Variants in KCND3 observed in about 807,000 individuals in gnomAD.
KCND3 encodes the protein potassium voltage-gated channel subfamily D member 3.
Under a neutral mutation model 51.1 loss-of-function variants are expected in KCND3, and 9 were observed. That is an observed-to-expected ratio of 0.18 (90% CI 0.11 to 0.31). The LOEUF (loss-of-function observed/expected upper bound fraction) is 0.31, where lower values mean the gene tolerates loss of function less well. Among genes scored for constraint, KCND3 ranks in the 10% least tolerant of loss-of-function variants. KCND3 has a pLI of 1.00. For synonymous variants in KCND3, 349 were observed against 368.0 expected (o/e 0.95, Z 0.59); for missense variants, 526 against 903.8 (o/e 0.58, Z 5.36).
At chr1:111,788,876 T>G (rs1664717437) in intron 2 of KCND3, among the ~76,000 whole-genome samples, 1 of 152,206 alleles carries the variant, frequency 6.6e-6, no homozygotes, top group African/African-American at 2.4e-5. Flanking sequence ...ATAATCCTAT[T>G]GTGACATATA....
intron 2 of KCND3, among the ~76,000 whole-genome samples, chr1:111,807,507 C>T (rs1209658779): frequency 6.6e-6 from 1 of 152,180 alleles, no homozygotes; most frequent in Non-Finnish European, 1.5e-5. Flanking sequence ...GAAACCCCAT[C>T]TCTACAAAAA....
In KCND3 at chr1:111,780,253, T is replaced by C; in HGVS notation, c.1433A>G (p.His478Arg). 6.3e-7 allele frequency: 1 copy of C among 1,590,854 alleles called. No individual in the cohort carries two copies. The highest frequency in any genetic ancestry group is 8.6e-7 in the Non-Finnish European group (1 of 1,167,924). Residue 478 changes from histidine (H) to arginine (R), a missense_variant, in exon 5 of 8, where the codon CAC (histidine) becomes CGC (arginine). Physicochemically the swap from His to Arg is conservative, Grantham distance 29 (BLOSUM62 0). Around this residue, in one of 5 missense-constraint regions of KCND3, gnomAD observed 266 missense variants for 305.5 expected, o/e 0.87. Coordinates refer to ENST00000302127, the MANE Select transcript of KCND3 (RefSeq NM_001378969.1). This position sits in a 1 kb window ranked among gnomAD's most constrained non-coding sequence, Gnocchi z 4.2. ...GGTTTTTTCCAGGCAGTGCAGCAGG[T>C]GATGATGCTGGCTCTCGATGAGTGA... ...TTSLIESQHH[H>R]LLHCLEKTTG... is the part of the protein sequence containing the mutation.
chr1:111,846,293 G>T (rs1366565417), intron 2 of KCND3, among the ~76,000 whole-genome samples: 7 of 152,098 alleles, frequency 4.6e-5, no homozygotes. Context: ...TTTCACTTCT[G>T]GGCCACTGAA....
intron 2 of KCND3, among the ~76,000 whole-genome samples, chr1:111,819,809 A>G (rs1666267939): frequency 6.6e-6 from 1 of 152,164 alleles, no homozygotes; most frequent in African/African-American, 2.4e-5. Flanking sequence ...AGGCGACTGT[A>G]ATCACGGAGG....
chr1:111,927,096 C>T (rs75616758), intron 2 of KCND3, among the ~76,000 whole-genome samples: 31 of 152,346 alleles, frequency 2.0e-4, no homozygotes, highest in Non-Finnish European at 3.8e-4. Flanking sequence ...ACCATTATCT[C>T]CCCATTTGCT....
chr1:111,889,385 T>C (rs780768057), intron 2 of KCND3, among the ~76,000 whole-genome samples: 10 of 152,228 alleles, frequency 6.6e-5, no homozygotes, highest in Non-Finnish European at 1.2e-4. Context: ...TAGGCATTTA[T>C]GGAGCACTGG....
chr1:111,986,815 G>T (rs1675312284), intron 1 of KCND3, among the ~76,000 whole-genome samples: 1 of 152,120 alleles, frequency 6.6e-6, no homozygotes, highest in Non-Finnish European at 1.5e-5. Context: ...GGAGCTCTGG[G>T]AATTCCTGCT....
intron 2 of KCND3, among the ~76,000 whole-genome samples, chr1:111,907,172 T>A (rs745378867): frequency 1.3e-5 from 2 of 152,238 alleles, no homozygotes; most frequent in Admixed American, 6.5e-5. Flanking sequence ...CTGATCTCCA[T>A]GAGAGAACAG....
In KCND3 at chr1:111,958,948, C is replaced by G. The variant is rs569125016; in HGVS notation, c.1106+22673G>C. ...GTTCTCCAGCTCTGCCATTATGCAT[C>G]TTGCTTGTAATTGCTTTAGAATGAC... On this transcript the variant is annotated intron_variant, in intron 2 of 7. Coordinates refer to ENST00000302127, the MANE Select transcript of KCND3 (RefSeq NM_001378969.1). Among the ~76,000 whole-genome samples the G allele has an allele frequency of 2.2e-4, 33 of 152,338 alleles. No individual in the cohort carries two copies. The Middle Eastern group carries it at 0.01, about 47-fold the overall frequency.
At chr1:111,948,553 C>A (rs1393769042) in intron 2 of KCND3, among the ~76,000 whole-genome samples, 4 of 152,128 alleles carry the variant, frequency 2.6e-5, no homozygotes, top group Admixed American at 1.3e-4. Flanking sequence ...CCACTTTTTT[C>A]CCCCTGGGTT....
rs556685137 is a variant in KCND3, at chr1:111,917,359, C to T, written c.1106+64262G>A. Among the ~76,000 whole-genome samples the T allele has an allele frequency of 1.4e-4, 21 of 152,280 alleles. 1 individual carries two copies. The South Asian group carries it at 3.5e-3, about 26-fold the overall frequency. The stretch of plus-strand genomic sequence containing the variant: ...AAAGTACCCCACTTCCTAGGGAAGG[C>T]GTAATGACTGAATTACAAGGACTGC... On this transcript the variant is annotated intron_variant, in intron 2 of 7. Coordinates refer to ENST00000302127, the MANE Select transcript of KCND3 (RefSeq NM_001378969.1).
chr1:111,883,161 C>A (rs1401452985), intron 2 of KCND3, among the ~76,000 whole-genome samples: 4 of 152,212 alleles, frequency 2.6e-5, no homozygotes, highest in Non-Finnish European at 5.9e-5. Context: ...CCCCAACTCC[C>A]GTGGGCATAA....
chr1:111,913,382 A>G (rs1028734380), intron 2 of KCND3, among the ~76,000 whole-genome samples: 1 of 152,236 alleles, frequency 6.6e-6, no homozygotes, highest in Non-Finnish European at 1.5e-5. Context: ...ACGATTGTAT[A>G]CAAAGCAACA....
At chr1:111,890,904 A>T (rs1009633070) in intron 2 of KCND3, among the ~76,000 whole-genome samples, 1 of 152,158 alleles carries the variant, frequency 6.6e-6, no homozygotes, top group Non-Finnish European at 1.5e-5. Flanking sequence ...TGACCATGGG[A>T]TTTAGCAACA....
At chr1:111,812,603 G>C (rs1055678957) in intron 2 of KCND3, among the ~76,000 whole-genome samples, 1 of 152,166 alleles carries the variant, frequency 6.6e-6, no homozygotes, top group Non-Finnish European at 1.5e-5. Context: ...CTGTACGAGG[G>C]CCCAATGTAG....
rs576481542 is a variant in KCND3 at position 111,879,789 on chromosome 1, C to A, written c.1107-92683G>T. Among the ~76,000 whole-genome samples the A allele has an allele frequency of 8.5e-5, 13 of 152,274 alleles. No individual in the cohort carries two copies. In the East Asian group the frequency reaches 2.5e-3, roughly 29 times the overall value. On this transcript the variant is annotated intron_variant, in intron 2 of 7. Coordinates refer to ENST00000302127, the MANE Select transcript of KCND3 (RefSeq NM_001378969.1). The stretch of plus-strand genomic sequence containing the variant: ...CCAGAAAATTTCAAATCCTTGAATT[C>A]CAAGGAAAGTCAATGTTTCTGTAAT...
chr1:111,958,106 A>G (rs996371470), intron 2 of KCND3, among the ~76,000 whole-genome samples: 1 of 152,134 alleles, frequency 6.6e-6, no homozygotes, highest in African/African-American at 2.4e-5. Context: ...CTGCCCAGTG[A>G]CCTAGCAGCC....
intron 2 of KCND3, among the ~76,000 whole-genome samples, chr1:111,904,616 G>C (rs1033522818): frequency 6.6e-6 from 1 of 152,138 alleles, no homozygotes; most frequent in African/African-American, 2.4e-5. Flanking sequence ...GCTAAATATA[G>C]AAAGGGCTCC....
In KCND3 at chr1:111,776,112, T is replaced by A. The variant is rs1263058217; in HGVS notation, c.1933A>T (p.Ile645Leu). ...SPGPNTNIPSIASNVVKVSAL is the reference protein window; with the variant it reads ...SPGPNTNIPSLASNVVKVSAL Reference sequence around the variant, plus strand: ...GAGACCTTGACAACATTGCTGGCTATGGAAGGAATGTTCGTGTTGGGGCCT... The same window carrying A: ...GAGACCTTGACAACATTGCTGGCTAAGGAAGGAATGTTCGTGTTGGGGCCT... The change falls in exon 8 of 8, where the codon ATA (isoleucine) becomes TTA (leucine). Residue 645 changes from isoleucine to leucine, a missense_variant. By Grantham distance (5) the Ile-to-Leu change is conservative. Coordinates refer to ENST00000302127, the MANE Select transcript of KCND3 (RefSeq NM_001378969.1). The A allele has an allele frequency of 6.2e-7, 1 of 1,614,218 alleles. No homozygotes were observed. Among genetic ancestry groups the A allele is most frequent in the Non-Finnish European group, 8.5e-7 (1 of 1,180,030 alleles).
Sources: gnomAD v4.1 joint callset for allele counts (sites outside exome capture counted in the v4.1 genomes callset) on GRCh38, gnomAD v4.1.1 for gene constraint, gnomAD v4.1.1 regional missense constraint, Gnocchi (gnomAD v3.1) non-coding constraint, MANE v1.5 for transcripts, NCBI Gene and HGNC (gene_info 2026-07-23, HGNC 2026-07-21) for gene names.